The following RAB7A variants were observed in gnomAD, a reference collection of about 807,000 sequenced individuals.
RAB7A encodes the protein ras-related protein Rab-7a.
In RAB7A, 2 loss-of-function variants were observed where a neutral mutation model predicts 24.5. That is an observed-to-expected ratio of 0.08 (90% CI 0.03 to 0.26). The LOEUF (loss-of-function observed/expected upper bound fraction) is 0.26. RAB7A is among the 10% of genes least tolerant of loss of function. RAB7A has a pLI of 1.00. For missense variants in RAB7A, 118 were observed against 255.7 expected, an observed-to-expected ratio of 0.46 and a Z score of 3.67; for synonymous variants, 100 against 95.9, an observed-to-expected ratio of 1.04 and a Z score of -0.25.
chr3:128,763,246 G>A (rs1410415685), intron 1 of RAB7A, among the ~76,000 whole-genome samples: 10 of 117,514 alleles, frequency 8.5e-5, no homozygotes, highest in Non-Finnish European at 1.1e-4. Flanking sequence ...ACGGAGTCTC[G>A]CTCTGTCGCC....
chr3:128,790,230 T>C (rs935908102), intron 1 of RAB7A, among the ~76,000 whole-genome samples: 1 of 152,228 alleles, frequency 6.6e-6, no homozygotes, highest in African/African-American at 2.4e-5. Flanking sequence ...TAGTATCAGC[T>C]GTTTAGTACC....
At chr3:128,795,767 T>TTTTTTTTTTTTTTTTTTTTG (rs1933557932) in intron 2 of RAB7A, among the ~76,000 whole-genome samples, 1 of 125,804 alleles carries the variant, frequency 7.9e-6, no homozygotes, top group Non-Finnish European at 1.7e-5. Flanking sequence ...TTTTTTTTTT[T>TTTTTTTTTTTTTTTTTTTTG]TGGAGACAGA....
At chr3:128,795,241 C>A in intron 1 of RAB7A, 119 bp from the exon 2 acceptor site, 3 of 835,178 alleles carry the variant, frequency 3.6e-6, no homozygotes, top group East Asian at 2.5e-5. Flanking sequence ...AAGGAAGATA[C>A]CTAGCAGGAA....
intron 1 of RAB7A, among the ~76,000 whole-genome samples, chr3:128,786,262 G>A (rs1933339910): frequency 1.3e-5 from 2 of 152,212 alleles, no homozygotes; most frequent in Non-Finnish European, 2.9e-5. Flanking sequence ...TGCTGTTTCA[G>A]GGGGTCTTCA....
At chr3:128,792,476 A>C (rs1279456125) in intron 1 of RAB7A, among the ~76,000 whole-genome samples, 1 of 150,166 alleles carries the variant, frequency 6.7e-6, no homozygotes, top group Non-Finnish European at 1.5e-5. Flanking sequence ...GTGTGATCTC[A>C]GCTCACTGCA....
chr3:128,774,309 A>C (rs1933028640), intron 1 of RAB7A, among the ~76,000 whole-genome samples: 1 of 151,664 alleles, frequency 6.6e-6, no homozygotes, highest in Non-Finnish European at 1.5e-5. Context: ...AGCAAGAGAT[A>C]AATGCTATAT....
intron 1 of RAB7A, among the ~76,000 whole-genome samples, chr3:128,759,969 C>T (rs1380196761): frequency 1.3e-5 from 2 of 152,180 alleles, no homozygotes; most frequent in African/African-American, 4.8e-5. Flanking sequence ...CTCGGCCTCC[C>T]AAAGTGCTGG....
Position 128,809,936 on chromosome 3 carries a change from C to CTTTTTTTTTTTTTTTTTTT in RAB7A, c.528+2277_528+2295dup, listed in dbSNP as rs869119619. Among the ~76,000 whole-genome samples the CTTTTTTTTTTTTTTTTTTT allele has an allele frequency of 2.9e-3, 150 of 52,246 alleles. 40 individuals are homozygous for CTTTTTTTTTTTTTTTTTTT. Among genetic ancestry groups the CTTTTTTTTTTTTTTTTTTT allele is most frequent in the Non-Finnish European group, 4.0e-3 (117 of 29,578 alleles). 34.3% of individuals were successfully genotyped at this position (52,246 alleles called of 152,430 possible). A position where few individuals can be genotyped will look rare whatever the true frequency, so the allele number is the denominator to read the frequency against. ...GAGGCAAGTTTCCTCTTGCCACAGT[C>CTTTTTTTTTTTTTTTTTTT]TTTTTTTTTTTTTTTTTTTTTTTTT... On this transcript the variant is annotated intron_variant, in intron 5 of 5. Transcript: ENST00000265062.
chr3:128,769,644 G>A (rs568646680), intron 1 of RAB7A, among the ~76,000 whole-genome samples: 11 of 152,132 alleles, frequency 7.2e-5, no homozygotes, highest in Non-Finnish European at 1.2e-4. Flanking sequence ...AGTCCAATTT[G>A]TCAATCCTTC....
intron 1 of RAB7A, among the ~76,000 whole-genome samples, chr3:128,727,840 AG>A (rs1466362743): frequency 1.3e-5 from 2 of 152,174 alleles, no homozygotes; most frequent in Admixed American, 6.6e-5. Context: ...AAACTTGGGA[AG>A]GTTTGTTCAG....
chr3:128,734,874 T>G (rs2107583021), intron 1 of RAB7A, among the ~76,000 whole-genome samples: 1 of 152,336 alleles, frequency 6.6e-6, no homozygotes, highest in Middle Eastern at 3.4e-3. Context: ...GTCTTCCAAC[T>G]CTAAGCCACT....
intron 1 of RAB7A, chr3:128,765,143 TG>T (rs2070817597): frequency 1.4e-6 from 1 of 702,282 alleles, no homozygotes; most frequent in Non-Finnish European, 2.6e-6. Context: ...CCGGCCGGGG[TG>T]GGGGACGAGC....
intron 1 of RAB7A, among the ~76,000 whole-genome samples, chr3:128,735,573 A>G (rs757943326): frequency 3.9e-5 from 6 of 152,244 alleles, no homozygotes; most frequent in African/African-American, 1.2e-4. Context: ...TTGAAATACT[A>G]CAAGAGTTGT....
rs557100700 is a variant in RAB7A, at chr3:128,737,733, G to A, written c.-9+11374G>A. On this transcript the variant is annotated intron_variant, in intron 1 of 5. Coordinates refer to ENST00000265062, the MANE Select transcript of RAB7A (RefSeq NM_004637.6). ...TGCCATCATGGCTCACCGCAGCCACGCCCTCCCCAGGCTTAGGTGATCCTC... is the reference window on the plus strand; with the variant it reads ...TGCCATCATGGCTCACCGCAGCCACACCCTCCCCAGGCTTAGGTGATCCTC... Among the ~76,000 whole-genome samples the A allele has an allele frequency of 1.2e-4, 18 of 144,426 alleles. No individual in the cohort carries two copies. In the South Asian group the frequency reaches 2.0e-3, roughly 16 times the overall value. 94.7% of individuals were successfully genotyped at this position (144,426 alleles called of 152,430 possible). A position where few individuals can be genotyped will look rare whatever the true frequency, so the allele number is the denominator to read the frequency against.
At chr3:128,748,659 G>A (rs2070645465) in intron 1 of RAB7A, 1 of 152,304 alleles carries the variant, frequency 6.6e-6, no homozygotes, top group South Asian at 2.1e-4. Flanking sequence ...CCGTGGACTT[G>A]GTAATGAGGG....
At chr3:128,730,095 TTC>T (rs2070419670) in intron 1 of RAB7A, among the ~76,000 whole-genome samples, 1 of 152,240 alleles carries the variant, frequency 6.6e-6, no homozygotes, top group Admixed American at 6.5e-5. Context: ...TTCTCTATGC[TTC>T]TCTGTCTGCA....
At chr3:128,812,025 A>AGGGTTTT (rs1255989850) in intron 5 of RAB7A, among the ~76,000 whole-genome samples, 1 of 152,142 alleles carries the variant, frequency 6.6e-6, no homozygotes, top group East Asian at 1.9e-4. Context: ...AGGAACTACT[A>AGGGTTTT]ATGGGCATAG....
intron 1 of RAB7A, among the ~76,000 whole-genome samples, chr3:128,751,911 T>C (rs1381193803): frequency 1.3e-5 from 2 of 152,232 alleles, no homozygotes; most frequent in Non-Finnish European, 2.9e-5. Flanking sequence ...TCTTACGAGA[T>C]CTGATGGTTA....
At chr3:128,793,732 A>G (rs1933510760) in intron 1 of RAB7A, among the ~76,000 whole-genome samples, 1 of 152,196 alleles carries the variant, frequency 6.6e-6, no homozygotes, top group Non-Finnish European at 1.5e-5. Flanking sequence ...GCTGATTATG[A>G]TGGAAGACAG....
Sources: gnomAD v4.1 joint callset for allele counts (sites outside exome capture counted in the v4.1 genomes callset) on GRCh38, gnomAD v4.1.1 for gene constraint, MANE v1.5 for transcripts, NCBI Gene and HGNC (gene_info 2026-07-23, HGNC 2026-07-21) for gene names.